Variants in IL17RE observed in about 807,000 individuals in gnomAD.
IL17RE encodes interleukin 17 receptor E, also known as interleukin-17 receptor E.
IL17RE carries 47 observed loss-of-function variants against 70.7 expected under a neutral mutation model. The ratio of observed to expected loss-of-function variants is 0.67; its 90% CI spans 0.53 to 0.85. IL17RE has a LOEUF of 0.85. Ranked by LOEUF, IL17RE falls within the 40% of genes least tolerant of loss-of-function variation. The pLI is 0.00. For missense variants in IL17RE, 850 were observed against 893.9 expected, an observed-to-expected ratio of 0.95 and a Z score of 0.63; for synonymous variants, 372 against 381.2, an observed-to-expected ratio of 0.98 and a Z score of 0.28.
intron 13 of IL17RE, 35 bp downstream of exon 13, chr3:9,914,059 C>T: frequency 6.5e-7 from 1 of 1,531,700 alleles, no homozygotes; most frequent in Non-Finnish European, 9.0e-7. Context: ...CATACAGAGC[C>T]TTGGCATCTG....
In IL17RE at chr3:9,915,434, C is replaced by A. The variant is rs751617003; in HGVS notation, c.1631C>A (p.Ala544Glu). 7.4e-7 allele frequency: 1 copy of A among 1,354,646 alleles called. No individual in the cohort carries two copies. The highest frequency in any genetic ancestry group is 9.4e-7 in the Non-Finnish European group (1 of 1,062,252). The allele number at this position is 1,354,646 out of a possible 1,614,324, so 83.9% of individuals were successfully genotyped here. The change falls in exon 16 of 16, where the codon GCG (alanine) becomes GAG (glutamate). Residue 544 changes from alanine to glutamate, a missense_variant. Physicochemically the swap from Ala to Glu is moderately radical, Grantham distance 107. Transcript: ENST00000383814. The surrounding 1 kb of genome is among the most constrained non-coding windows in gnomAD (Gnocchi z 4.9). ...RVGPLPWLWA[A>E]RTRVAREQGT... is the part of the protein sequence containing the mutation. ...GGCCCGCTGCCGTGGCTCTGGGCGG[C>A]GCGGACGCGCGTAGCGCGGGAGCAG...
Position 9,914,616 on chromosome 3 carries a change from G to T in IL17RE, c.1348+17G>T, listed in dbSNP as rs752515464. On this transcript the variant is annotated intron_variant, in intron 14 of 15. Coordinates refer to ENST00000383814, the MANE Select transcript of IL17RE (RefSeq NM_153480.2). ...GTCCGGATGGTGAGTTCTTGGGGAGGGGGAGGTAAGAGGGAGGCTGGGCAC... is the reference window on the plus strand; with the variant it reads ...GTCCGGATGGTGAGTTCTTGGGGAGTGGGAGGTAAGAGGGAGGCTGGGCAC... 86 of 1,613,586 alleles carry T rather than the reference G, an allele frequency of 5.3e-5. 1 individual carries two copies. The highest frequency in any genetic ancestry group is 7.1e-5 in the Non-Finnish European group (84 of 1,179,650).
Position 9,915,410 on chromosome 3 carries a change from G to A in IL17RE, c.1607G>A (p.Gly536Asp), listed in dbSNP as rs1267629180. ...LWEGRHVARV[G>D]PLPWLWAART... ...GAGGGGAGGCACGTGGCGCGCGTGG[G>A]CCCGCTGCCGTGGCTCTGGGCGGCG... The change falls in exon 16 of 16, where the codon GGC becomes GAC. Residue 536 changes from glycine to aspartate, a missense_variant. Transcript: ENST00000383814. This position sits in a 1 kb window ranked among gnomAD's most constrained non-coding sequence, Gnocchi z 4.9. The A allele has an allele frequency of 7.3e-7, 1 of 1,361,548 alleles. No individual in the cohort carries two copies. Among genetic ancestry groups the A allele is most frequent in the Admixed American group, 3.8e-5 (1 of 26,194 alleles). The allele number at this position is 1,361,548 out of a possible 1,614,324, so 84.3% of individuals were successfully genotyped here.
At chr3:9,913,665 A>G (rs2082944793) in intron 12 of IL17RE, among the ~76,000 whole-genome samples, 1 of 152,206 alleles carries the variant, frequency 6.6e-6, no homozygotes, top group Non-Finnish European at 1.5e-5. Flanking sequence ...GTGAGCTGCT[A>G]GAGGACACAG....
At chr3:9,914,333 T>C (rs564218002) in intron 13 of IL17RE, 44 of 1,320,232 alleles carry the variant, frequency 3.3e-5, no homozygotes, top group South Asian at 2.2e-4. Flanking sequence ...CTGGTCAACT[T>C]TGAGTTTACT....
chr3:9,912,433 A>G (rs923003582), intron 12 of IL17RE, among the ~76,000 whole-genome samples: 4 of 152,142 alleles, frequency 2.6e-5, no homozygotes, highest in African/African-American at 9.7e-5. Flanking sequence ...TATCTATCCT[A>G]GGAGGCAGAG....
chr3:9,914,204 A>C (rs949766755), intron 13 of IL17RE, among the ~76,000 whole-genome samples, 180 bp downstream of exon 13: 2 of 152,256 alleles, frequency 1.3e-5, no homozygotes, highest in African/African-American at 4.8e-5. Flanking sequence ...CCTCTGTTGA[A>C]AAATCAGAAA....
intron 3 of IL17RE, among the ~76,000 whole-genome samples, chr3:9,905,772 A>G (rs1187093481): frequency 6.6e-6 from 1 of 152,170 alleles, no homozygotes; most frequent in Non-Finnish European, 1.5e-5. Flanking sequence ...GTGAGCCAAG[A>G]TCGCGCCGCT....
At position 9,911,005 on chromosome 3, in the gene IL17RE, G is replaced by C. The variant is rs1451994973; in HGVS notation, c.943G>C (p.Asp315His). The C allele has an allele frequency of 1.2e-6, 2 of 1,614,060 alleles. No homozygotes were observed. Among genetic ancestry groups the C allele is most frequent in the Non-Finnish European group, 1.7e-6 (2 of 1,180,048 alleles). Residue 315 changes from aspartate (D) to histidine (H), a missense_variant, in exon 9 of 16, where the codon GAC becomes CAC. Asp to His is a moderately conservative substitution (Grantham distance 81). Transcript: ENST00000383814. ...GCACGACTGGCATACCCTTTGCAAA[G>C]ACCTCCCGAATGCCACAGCTCGAGA... ...QRHDWHTLCKDLPNATARESD... is the reference protein window; with the variant it reads ...QRHDWHTLCKHLPNATARESD...
chr3:9,909,086 C>G, intron 7 of IL17RE, 131 bp from the exon 8 acceptor site: 1 of 707,566 alleles, frequency 1.4e-6, no homozygotes, highest in Non-Finnish European at 2.5e-6. Context: ...TTGCCCCCTC[C>G]TGCTCGGTCA....
At chr3:9,906,523 T>C in intron 4 of IL17RE, 62 bp downstream of exon 4, 1 of 1,416,138 alleles carries the variant, frequency 7.1e-7, no homozygotes, top group South Asian at 1.2e-5. Flanking sequence ...TTCTGGCCTC[T>C]CATTTGGTTC....
intron 1 of IL17RE, 114 bp from the exon 2 acceptor site, chr3:9,903,283 T>C (rs751352063): frequency 4.5e-5 from 55 of 1,233,050 alleles, no homozygotes; most frequent in Non-Finnish European, 6.4e-5. Flanking sequence ...GGCTATTAGC[T>C]ATGGGGCTCA....
chr3:9,904,015 C>T lies in IL17RE; in HGVS notation c.149-17C>T. The T allele has an allele frequency of 6.2e-7, 1 of 1,613,930 alleles. No individual in the cohort carries two copies. The highest frequency in any genetic ancestry group is 8.5e-7 in the Non-Finnish European group (1 of 1,179,940). On this transcript the variant is annotated splice_polypyrimidine_tract_variant and intron_variant, in intron 2 of 15. Transcript: ENST00000383814. ...TTCTTAGACCCTATCATTTGCTTTC[C>T]CTTCCATCTTTCCCAGGAAGTTCTG...
At chr3:9,913,923 T>C in intron 12 of IL17RE, 33 bp from the exon 13 acceptor site, 1 of 1,586,836 alleles carries the variant, frequency 6.3e-7, no homozygotes, top group Non-Finnish European at 8.7e-7. Flanking sequence ...TTCACCTCCC[T>C]GGGGACAGCC....
chr3:9,915,978 G>T lies in IL17RE; in HGVS notation c.*171G>T. 1.7e-6 allele frequency: 2 copies of T among 1,206,448 alleles called. No individual in the cohort carries two copies. Among genetic ancestry groups the T allele is most frequent in the African/African-American group, 1.6e-5 (1 of 62,462 alleles). The allele number at this position is 1,206,448 out of a possible 1,614,324, so 74.7% of individuals were successfully genotyped here. ...GGAAGTCCCAGCCCAGTCCCCGCGC[G>T]CGTCCCTCTTCCTCCTCATACTTTC... On this transcript the variant is annotated 3_prime_UTR_variant, in exon 16 of 16. Transcript: ENST00000383814. The surrounding 1 kb of genome is among the most constrained non-coding windows in gnomAD (Gnocchi z 4.9).
At chr3:9,910,832 G>T (rs767978602) in intron 8 of IL17RE, 33 bp from the exon 9 acceptor site, 1 of 1,601,804 alleles carries the variant, frequency 6.2e-7, no homozygotes, top group Non-Finnish European at 8.5e-7. Flanking sequence ...AAGCAGGGCT[G>T]ACCCTCACCC....
chr3:9,915,240 C>A lies in IL17RE; in HGVS notation c.1448-11C>A. 3 of 1,380,548 alleles carry A rather than the reference C, an allele frequency of 2.2e-6. No homozygotes were observed. The highest frequency in any genetic ancestry group is 2.9e-5 in the East Asian group (1 of 34,084). 85.5% of individuals were successfully genotyped at this position (1,380,548 alleles called of 1,614,324 possible). On this transcript the variant is annotated splice_polypyrimidine_tract_variant and intron_variant, in intron 15 of 15. Coordinates refer to ENST00000383814, the MANE Select transcript of IL17RE (RefSeq NM_153480.2). The surrounding 1 kb of genome is among the most constrained non-coding windows in gnomAD (Gnocchi z 4.9). ...GCCGCCCAGCCTTCATCTGTTGCTT[C>A]CCGCCACCAGGCCCGGGCCCAGCGC...
At position 9,914,528 on chromosome 3, in the gene IL17RE, G is replaced by T. The variant is rs2082966826; in HGVS notation, c.1297-20G>T. The T allele has an allele frequency of 1.2e-6, 2 of 1,613,356 alleles. No individual in the cohort carries two copies. Among genetic ancestry groups the T allele is most frequent in the Non-Finnish European group, 8.5e-7 (1 of 1,179,718 alleles). On this transcript the variant is annotated intron_variant, in intron 13 of 15. Transcript: ENST00000383814. ...GAGAAGATGCCTGGCTCATAGGGGT[G>T]GGGGGCTCTGTGCCCTCAGGTGTGG...
At chr3:9,913,142 C>G (rs279568) in intron 12 of IL17RE, among the ~76,000 whole-genome samples, 32 of 152,096 alleles carry the variant, frequency 2.1e-4, no homozygotes, top group African/African-American at 6.5e-4. Flanking sequence ...CAGTGGCTCA[C>G]GCCTGTAATT....
Sources: gnomAD v4.1 joint callset for allele counts (sites outside exome capture counted in the v4.1 genomes callset) on GRCh38, gnomAD v4.1.1 for gene constraint, Gnocchi (gnomAD v3.1) non-coding constraint, MANE v1.5 for transcripts, NCBI Gene and HGNC (gene_info 2026-07-23, HGNC 2026-07-21) for gene names.